Variants in NNMT observed in about 807,000 individuals in gnomAD.
The protein encoded by NNMT is nicotinamide N-methyltransferase.
A neutral mutation model predicts 11.7 loss-of-function variants in NNMT; 10 were observed. The ratio of observed to expected loss-of-function variants is 0.85; its 90% confidence interval spans 0.53 to 1.45. The LOEUF (loss-of-function observed/expected upper bound fraction) is 1.45. NNMT is among the 40% of genes most tolerant of loss of function. The pLI, the probability that NNMT is intolerant of heterozygous loss-of-function variation, is 0.00. For missense variants in NNMT, 381 were observed against 319.4 expected (o/e 1.19, Z -1.47); for synonymous variants, 143 against 133.8 (o/e 1.07, Z -0.48).
intron 2 of NNMT, among the ~76,000 whole-genome samples, chr11:114,278,766 C>T (rs1283150765): frequency 1.3e-5 from 2 of 152,284 alleles, no homozygotes; most frequent in East Asian, 3.9e-4. Flanking sequence ...GTGCTGGGGT[C>T]AGATCAGAAG....
chr11:114,298,639 C>T (rs927738982), intron 2 of NNMT, among the ~76,000 whole-genome samples: 6 of 152,110 alleles, frequency 3.9e-5, no homozygotes, highest in Admixed American at 3.9e-4. Flanking sequence ...CAGATACAAC[C>T]AAAATCTGAC....
Position 114,312,145 on chromosome 11 carries a change from C to A in NNMT, c.463C>A (p.Pro155Thr). The part of the protein sequence containing the change: ...QSQPLGAVPL[P>T]PADCVLSTLC... ...CCAGCCACTGGGGGCCGTCCCCTTA[C>A]CCCCGGCTGACTGCGTGCTCAGCAC... The change falls in exon 3 of 3, where the codon CCC (proline) becomes ACC (threonine). Residue 155 changes from proline to threonine, a missense_variant. Coordinates refer to ENST00000299964, the MANE Select transcript of NNMT (RefSeq NM_006169.3). The A allele has an allele frequency of 1.2e-6, 2 of 1,613,994 alleles. No individual in the cohort carries two copies. The highest frequency in any genetic ancestry group is 2.2e-5 in the East Asian group (1 of 44,880).
chr11:114,277,247 A>G (rs1945220713), intron 2 of NNMT, among the ~76,000 whole-genome samples: 1 of 152,174 alleles, frequency 6.6e-6, no homozygotes, highest in Admixed American at 6.5e-5. Flanking sequence ...TAAATAAAAG[A>G]AAAAGAAAAG....
rs759370597 is a variant in NNMT, at chr11:114,312,242, T to A, written c.560T>A (p.Leu187Gln). 4.6e-5 allele frequency: 74 copies of A among 1,614,184 alleles called. No homozygotes were observed. Among genetic ancestry groups the A allele is most frequent in the Non-Finnish European group, 5.9e-5 (70 of 1,180,012 alleles). ...CRALRNLGSL[L>Q]KPGGFLVIMD... is the part of the protein sequence containing the mutation. ...GCGCTCAGGAACCTCGGCAGCCTACTGAAGCCAGGGGGCTTCCTGGTGATC... is the reference window on the plus strand; with the variant it reads ...GCGCTCAGGAACCTCGGCAGCCTACAGAAGCCAGGGGGCTTCCTGGTGATC... The change falls in exon 3 of 3, where the codon CTG becomes CAG. Residue 187 changes from leucine to glutamine, a missense_variant. By Grantham distance (113) the Leu-to-Gln change is moderately radical. Transcript: ENST00000299964.
intron 2 of NNMT, among the ~76,000 whole-genome samples, chr11:114,263,875 G>A (rs1945101497): frequency 6.6e-6 from 1 of 152,148 alleles, no homozygotes; most frequent in Non-Finnish European, 1.5e-5. Flanking sequence ...CATAACATTA[G>A]ATCATCTGGT....
chr11:114,269,067 A>C (rs907835459), intron 2 of NNMT, among the ~76,000 whole-genome samples: 1 of 152,204 alleles, frequency 6.6e-6, no homozygotes, highest in Non-Finnish European at 1.5e-5. Context: ...TTAAAAAAAA[A>C]AGCTGAGGCA....
At chr11:114,289,119 A>G (rs1280875578) in intron 2 of NNMT, among the ~76,000 whole-genome samples, 1 of 152,170 alleles carries the variant, frequency 6.6e-6, no homozygotes, top group East Asian at 1.9e-4. Context: ...CAGATTTTAT[A>G]TGTGTTATAT....
intron 2 of NNMT, 139 bp downstream of exon 2, chr11:114,298,297 G>C (rs1945404775): frequency 4.3e-6 from 3 of 694,242 alleles, no homozygotes; most frequent in African/African-American, 3.6e-5. Context: ...AGAGAGATGA[G>C]ATAGGCCCAT....
At chr11:114,286,376 C>T (rs199618687) in intron 2 of NNMT, among the ~76,000 whole-genome samples, 3 of 152,266 alleles carry the variant, frequency 2.0e-5, no homozygotes, top group East Asian at 1.9e-4. Context: ...TTGAAGCACC[C>T]TCTTCCCCCT....
intron 2 of NNMT, among the ~76,000 whole-genome samples, chr11:114,276,366 A>G (rs186777326): frequency 1.9e-3 from 282 of 152,192 alleles, no homozygotes; most frequent in African/African-American, 6.3e-3. Context: ...TGACCCAGAG[A>G]TGTTCTCTGT....
chr11:114,295,419 CTTTTTTTTT>C (rs35621813), upstream of NNMT, among the ~76,000 whole-genome samples: 1 of 85,048 alleles, frequency 1.2e-5, no homozygotes, highest in East Asian at 4.0e-4. Context: ...TTAAAGAATT[CTTTTTTTTT>C]TTTTTTTTTT....
chr11:114,304,474 G>A (rs1481542137), intron 2 of NNMT, among the ~76,000 whole-genome samples: 1 of 152,134 alleles, frequency 6.6e-6, no homozygotes, highest in Non-Finnish European at 1.5e-5. Context: ...CCTTATCCTT[G>A]TGCTAGATCC....
At chr11:114,270,474 T>A (rs985126574) in intron 2 of NNMT, 1 of 151,768 alleles carries the variant, frequency 6.6e-6, no homozygotes, top group Non-Finnish European at 1.5e-5. Flanking sequence ...AGAGGGAGAG[T>A]GATTTCCCTT....
chr11:114,273,097 T>C (rs1192157026), intron 2 of NNMT, among the ~76,000 whole-genome samples: 2 of 152,218 alleles, frequency 1.3e-5, no homozygotes, highest in African/African-American at 4.8e-5. Context: ...GTGTGGTATG[T>C]TTCCTGCTGG....
At chr11:114,295,279 A>G (rs1945364171), upstream of NNMT, among the ~76,000 whole-genome samples, 1 of 152,162 alleles carries the variant, frequency 6.6e-6, no homozygotes, top group African/African-American at 2.4e-5. Flanking sequence ...ACTAATGGAC[A>G]TGTTGTCAGT....
chr11:114,288,761 T>C (rs1945315810), intron 2 of NNMT, among the ~76,000 whole-genome samples: 1 of 152,214 alleles, frequency 6.6e-6, no homozygotes, highest in South Asian at 2.1e-4. Context: ...TTTAGTAATA[T>C]GTCCAAAATG....
chr11:114,292,098 T>C (rs921589589), upstream of NNMT, among the ~76,000 whole-genome samples: 1 of 152,226 alleles, frequency 6.6e-6, no homozygotes, highest in Non-Finnish European at 1.5e-5. Context: ...ATTTCTCTTT[T>C]GCCCTCTGTT....
chr11:114,263,252 T>C (rs1304494228), intron 2 of NNMT, among the ~76,000 whole-genome samples: 1 of 152,070 alleles, frequency 6.6e-6, no homozygotes, highest in South Asian at 2.1e-4. Context: ...CCAATGAAAC[T>C]GAGTACCCCC....
At chr11:114,292,682 A>G (rs1028833889), upstream of NNMT, among the ~76,000 whole-genome samples, 2 of 152,110 alleles carry the variant, frequency 1.3e-5, no homozygotes, top group African/African-American at 4.8e-5. Flanking sequence ...TATAACAAAC[A>G]TTTATTTAAG....
Sources: allele counts gnomAD v4.1 joint callset (sites outside exome capture counted in the v4.1 genomes callset), GRCh38; gene constraint gnomAD v4.1.1; transcripts MANE v1.5; gene names NCBI Gene and HGNC (gene_info 2026-07-23, HGNC 2026-07-21).